GNB1: variants seen among roughly 807,000 people sequenced by gnomAD.
GNB1 encodes the protein guanine nucleotide-binding protein G(I)/G(S)/G(T) subunit beta-1.
In GNB1, 2 loss-of-function variants were observed where a neutral mutation model predicts 42.9. The observed-to-expected ratio is 0.05, with a 90% CI of 0.02 to 0.15. The LOEUF (loss-of-function observed/expected upper bound fraction) is 0.15. Among genes scored for constraint, GNB1 ranks in the 10% least tolerant of loss-of-function variants. GNB1 has a pLI of 1.00. For synonymous variants in GNB1, 183 were observed against 174.7 expected, an observed-to-expected ratio of 1.05 and a Z score of -0.38; for missense variants, 193 against 462.2, an observed-to-expected ratio of 0.42 and a Z score of 5.34.
chr1:1,797,479 C>G (rs1646562129), intron 7 of GNB1, among the ~76,000 whole-genome samples: 1 of 152,008 alleles, frequency 6.6e-6, no homozygotes, highest in Non-Finnish European at 1.5e-5. Context: ...CGCTCTGCCA[C>G]CCAGGCTGGA....
At chr1:1,804,371 C>T (rs748145024) in intron 7 of GNB1, 48 bp downstream of exon 7, 2 of 1,302,924 alleles carry the variant, frequency 1.5e-6, no homozygotes, top group Middle Eastern at 1.8e-4. Context: ...TAATGTACCC[C>T]AGGTAAACAG....
intron 1 of GNB1, among the ~76,000 whole-genome samples, chr1:1,850,191 CGGGAT>C (rs1176048258): frequency 6.6e-6 from 1 of 151,512 alleles, no homozygotes. Context: ...AGTGCAATGG[CGGGAT>C]CTTGGCTCAC....
At chr1:1,862,365 A>G (rs1362616630) in intron 1 of GNB1, among the ~76,000 whole-genome samples, 3 of 152,202 alleles carry the variant, frequency 2.0e-5, no homozygotes, top group Admixed American at 6.5e-5. Context: ...AGATGATTAC[A>G]ACAGTCTGAG....
intron 1 of GNB1, among the ~76,000 whole-genome samples, chr1:1,868,269 G>A (rs1024281850): frequency 2.5e-4 from 38 of 151,936 alleles, no homozygotes; most frequent in Non-Finnish European, 4.7e-4. Flanking sequence ...TCTGCCTCCC[G>A]GGTTCGAGCA....
In GNB1 at chr1:1,881,646, C is replaced by T. The variant is rs142567618; in HGVS notation, c.-96+9174G>A. On this transcript the variant is annotated intron_variant, in intron 1 of 11. Transcript: ENST00000378609. The stretch of plus-strand genomic sequence containing the variant: ...AACTCCTGACCTCAAGTGATCCGCC[C>T]GCCCTGGCCTCCCAAAGTGGTGGGA... Among the ~76,000 whole-genome samples the T allele has an allele frequency of 8.3e-3, 1,264 of 152,224 alleles. 22 individuals are homozygous for T. The highest frequency in any genetic ancestry group is 0.029 in the African/African-American group (1,213 of 41,524).
At chr1:1,823,784 T>A (rs935430342) in intron 3 of GNB1, among the ~76,000 whole-genome samples, 5 of 152,240 alleles carry the variant, frequency 3.3e-5, no homozygotes, top group Admixed American at 6.5e-5. Flanking sequence ...GTGGGCTTTC[T>A]AAACATGTAA....
intron 1 of GNB1, among the ~76,000 whole-genome samples, chr1:1,889,033 T>C (rs1165066078): frequency 6.6e-6 from 1 of 152,186 alleles, no homozygotes; most frequent in Non-Finnish European, 1.5e-5. Flanking sequence ...GAATCCAGAA[T>C]AGACTATGCA....
chr1:1,812,065 C>CAAAAAAAAAAAAA (rs1337182201), intron 5 of GNB1, among the ~76,000 whole-genome samples: 1 of 136,684 alleles, frequency 7.3e-6, no homozygotes, highest in African/African-American at 2.8e-5. Context: ...GACTCCGTCT[C>CAAAAAAAAAAAAA]AAAAAAAAAA....
At chr1:1,828,704 G>C (rs989490210) in intron 2 of GNB1, among the ~76,000 whole-genome samples, 1 of 152,216 alleles carries the variant, frequency 6.6e-6, no homozygotes, top group East Asian at 1.9e-4. Flanking sequence ...GCCAACATTT[G>C]AGTTTCAATT....
At chr1:1,808,267 C>T (rs559372097) in intron 5 of GNB1, among the ~76,000 whole-genome samples, 1 of 152,088 alleles carries the variant, frequency 6.6e-6, no homozygotes, top group East Asian at 1.9e-4. Flanking sequence ...GGCCTCCCAA[C>T]GTTTTGGTAT....
chr1:1,797,414 G>A (rs1646561102), intron 7 of GNB1, among the ~76,000 whole-genome samples: 1 of 152,056 alleles, frequency 6.6e-6, no homozygotes, highest in African/African-American at 2.4e-5. Context: ...CAACATAAAA[G>A]ATGATGATTC....
chr1:1,791,825 A>G lies in GNB1; in HGVS notation c.498-1229T>C, dbSNP rs114790496. Among the ~76,000 whole-genome samples the G allele has an allele frequency of 8.7e-3, 1,321 of 152,368 alleles. 22 individuals carry two copies. Among genetic ancestry groups the G allele is most frequent in the African/African-American group, 0.03 (1,268 of 41,584 alleles). On this transcript the variant is annotated intron_variant, in intron 8 of 11. Transcript: ENST00000378609. ...CTGAAAAAAATGATTAATGAACAGA[A>G]GCACTTTAAAAATATCTTCTAATAA...
intron 1 of GNB1, chr1:1,839,496 A>G (rs1647195621): frequency 6.6e-6 from 1 of 152,170 alleles, no homozygotes; most frequent in Non-Finnish European, 1.5e-5. Context: ...ATTAAACTGA[A>G]AAGTATGGGC....
At chr1:1,889,665 A>T (rs1241187006) in intron 1 of GNB1, among the ~76,000 whole-genome samples, 1 of 151,936 alleles carries the variant, frequency 6.6e-6, no homozygotes, top group Admixed American at 6.5e-5. Context: ...CTCTTAAAAA[A>T]AAAAAAAAAA....
At chr1:1,799,587 GCTC>G (rs1247659154) in intron 7 of GNB1, among the ~76,000 whole-genome samples, 2 of 152,304 alleles carry the variant, frequency 1.3e-5, no homozygotes, top group East Asian at 1.9e-4. Context: ...ATGGCCAGGG[GCTC>G]CTATCTGTAG....
At chr1:1,852,262 T>C (rs2101530298) in intron 1 of GNB1, among the ~76,000 whole-genome samples, 1 of 152,060 alleles carries the variant, frequency 6.6e-6, no homozygotes, top group East Asian at 2.0e-4. Context: ...GGCATCTTGC[T>C]CTGTCGCCCA....
intron 4 of GNB1, among the ~76,000 whole-genome samples, chr1:1,816,453 T>G (rs1238759939): frequency 6.6e-6 from 1 of 152,120 alleles, no homozygotes; most frequent in African/African-American, 2.4e-5. Context: ...CCAAAGTGCT[T>G]CTCAGAATTG....
chr1:1,795,933 G>A (rs1274720227), intron 7 of GNB1, among the ~76,000 whole-genome samples: 1 of 152,126 alleles, frequency 6.6e-6, no homozygotes, highest in South Asian at 2.1e-4. Context: ...CAGCTGACAG[G>A]AACTATGAAG....
chr1:1,847,045 G>C (rs1025669611), intron 1 of GNB1, among the ~76,000 whole-genome samples: 1 of 152,168 alleles, frequency 6.6e-6, no homozygotes, highest in African/African-American at 2.4e-5. Flanking sequence ...TTCCTGAATA[G>C]GTTTTTAATG....
Sources: allele counts gnomAD v4.1 joint callset (sites outside exome capture counted in the v4.1 genomes callset), GRCh38; gene constraint gnomAD v4.1.1; transcripts MANE v1.5; gene names NCBI Gene and HGNC (gene_info 2026-07-23, HGNC 2026-07-21).